The following GRIK4 variants were observed in gnomAD, a reference collection of about 807,000 sequenced individuals.
GRIK4 encodes glutamate ionotropic receptor kainate type subunit 4, also known as glutamate receptor ionotropic, kainate 4.
In GRIK4, 40 loss-of-function variants were observed where a neutral mutation model predicts 104.9. The observed-to-expected ratio is 0.38, with a 90% CI of 0.30 to 0.50. GRIK4 has a LOEUF of 0.50. GRIK4 is among the 20% of genes least tolerant of loss of function. GRIK4 has a pLI of 0.93. For synonymous variants in GRIK4, 485 were observed against 524.9 expected (o/e 0.92, Z 1.04); for missense variants, 1,047 against 1,308.1 (o/e 0.80, Z 3.08).
chr11:120,838,612 A>G (rs1953639009), intron 8 of GRIK4, among the ~76,000 whole-genome samples: 1 of 152,362 alleles, frequency 6.6e-6, no homozygotes, highest in South Asian at 2.1e-4. Context: ...CATTGCAAAA[A>G]TCTGCCAGTA....
chr11:120,537,620 C>G (rs1211031460), intron 1 of GRIK4, among the ~76,000 whole-genome samples: 3 of 152,138 alleles, frequency 2.0e-5, no homozygotes, highest in Non-Finnish European at 4.4e-5. Context: ...ATCATTCCTT[C>G]TTAGGCCTGC....
At chr11:120,700,333 T>A (rs1323425900) in intron 3 of GRIK4, among the ~76,000 whole-genome samples, 2 of 151,102 alleles carry the variant, frequency 1.3e-5, no homozygotes, top group Non-Finnish European at 2.9e-5. Flanking sequence ...AGTGGCATGA[T>A]CTTGGCTCAT....
chr11:120,864,113 T>C (rs1265569765), intron 9 of GRIK4, among the ~76,000 whole-genome samples: 1 of 152,218 alleles, frequency 6.6e-6, no homozygotes, highest in African/African-American at 2.4e-5. Flanking sequence ...CAGTGTCATG[T>C]GCAGGATCAG....
At chr11:120,883,708 G>A (rs1242013060) in intron 11 of GRIK4, among the ~76,000 whole-genome samples, 1 of 152,232 alleles carries the variant, frequency 6.6e-6, no homozygotes, top group Non-Finnish European at 1.5e-5. Context: ...AAACAAATTA[G>A]AGCTACTTAA....
At chr11:120,815,729 C>T (rs1057050121) in intron 5 of GRIK4, among the ~76,000 whole-genome samples, 3 of 152,150 alleles carry the variant, frequency 2.0e-5, no homozygotes, top group South Asian at 2.1e-4. Context: ...GGTCCCATGG[C>T]GGTGCCCCCA....
At chr11:120,735,229 C>A (rs754094390) in intron 3 of GRIK4, among the ~76,000 whole-genome samples, 1 of 152,104 alleles carries the variant, frequency 6.6e-6, no homozygotes, top group African/African-American at 2.4e-5. Context: ...GGAAGACTTT[C>A]CGGGTATTCA....
In GRIK4 at chr11:120,765,765, G is replaced by A. The variant is rs192123130; in HGVS notation, c.83-36928G>A. The stretch of plus-strand genomic sequence containing the variant: ...GTCCATTCAAGACCCTGTTTGCCTG[G>A]GTATCACCAGCAGAGGCTGCAGAAC... On this transcript the variant is annotated intron_variant, in intron 3 of 20. Transcript: ENST00000527524. 5.3e-5 allele frequency among the ~76,000 whole-genome samples: 8 copies of A among 152,272 alleles called. No homozygotes were observed. In the East Asian group the frequency reaches 1.5e-3, roughly 29 times the overall value.
chr11:120,896,927 C>T (rs1942598300), intron 11 of GRIK4, among the ~76,000 whole-genome samples: 1 of 152,216 alleles, frequency 6.6e-6, no homozygotes, highest in African/African-American at 2.4e-5. Flanking sequence ...TAAAAACACT[C>T]AGCAACAGCA....
chr11:120,758,046 G>A (rs1391211424), intron 3 of GRIK4, among the ~76,000 whole-genome samples: 3 of 152,116 alleles, frequency 2.0e-5, no homozygotes, highest in East Asian at 3.9e-4. Flanking sequence ...GGATCACTTG[G>A]CCCCCAGGTG....
intron 11 of GRIK4, among the ~76,000 whole-genome samples, chr11:120,885,671 C>T (rs1353741289): frequency 6.6e-6 from 1 of 152,182 alleles, no homozygotes; most frequent in Non-Finnish European, 1.5e-5. Flanking sequence ...AGGCATGAGC[C>T]ACCACGCCTG....
chr11:120,652,281 C>T (rs1949630638), intron 1 of GRIK4, among the ~76,000 whole-genome samples: 1 of 152,202 alleles, frequency 6.6e-6, no homozygotes, highest in African/African-American at 2.4e-5. Context: ...GTCTAATTCC[C>T]TCATTTTACA....
intron 1 of GRIK4, among the ~76,000 whole-genome samples, chr11:120,626,946 G>A (rs754907829): frequency 6.6e-5 from 10 of 152,216 alleles, no homozygotes; most frequent in Non-Finnish European, 1.5e-4. Flanking sequence ...AACACTGATG[G>A]TCAGCACACC....
At chr11:120,810,676 G>A (rs374570804) in intron 4 of GRIK4, among the ~76,000 whole-genome samples, 1 of 152,066 alleles carries the variant, frequency 6.6e-6, no homozygotes, top group African/African-American at 2.4e-5. Flanking sequence ...AAATGGATAG[G>A]GTGACTATGG....
At chr11:120,525,947 T>C (rs1173035131) in intron 1 of GRIK4, among the ~76,000 whole-genome samples, 1 of 152,080 alleles carries the variant, frequency 6.6e-6, no homozygotes, top group Admixed American at 6.5e-5. Context: ...TCTCACAGGG[T>C]TGGGGAAGAG....
intron 1 of GRIK4, among the ~76,000 whole-genome samples, chr11:120,651,597 T>C (rs1043228610): frequency 1.3e-5 from 2 of 152,210 alleles, no homozygotes; most frequent in Non-Finnish European, 2.9e-5. Context: ...TCCCCTCAAG[T>C]TGGACCCGGG....
chr11:120,809,960 G>A (rs1952795895), intron 4 of GRIK4, among the ~76,000 whole-genome samples: 1 of 152,202 alleles, frequency 6.6e-6, no homozygotes, highest in South Asian at 2.1e-4. Flanking sequence ...AGCTACTCAG[G>A]AGGCTGAGGC....
At chr11:120,880,668 C>T (rs1400174793) in intron 11 of GRIK4, among the ~76,000 whole-genome samples, 2 of 152,234 alleles carry the variant, frequency 1.3e-5, no homozygotes, top group Non-Finnish European at 1.5e-5. Context: ...CGCCCAGCCT[C>T]TCCTTGAGCA....
chr11:120,762,074 T>C lies in GRIK4; in HGVS notation c.83-40619T>C, dbSNP rs181497920. On this transcript the variant is annotated intron_variant, in intron 3 of 20. Coordinates refer to ENST00000527524, the MANE Select transcript of GRIK4 (RefSeq NM_014619.5). ...ATTTTCATGATATTCTTCCTATCCA[T>C]GAGCATGGAATGTTTTTCCGTTTGT... 1.9e-3 allele frequency among the ~76,000 whole-genome samples: 296 copies of C among 152,340 alleles called. 1 individual carries two copies. Among genetic ancestry groups the C allele is most frequent in the Non-Finnish European group, 2.8e-3 (189 of 68,028 alleles).
intron 1 of GRIK4, among the ~76,000 whole-genome samples, chr11:120,585,341 CTCTTT>C (rs1167297069): frequency 1.4e-5 from 2 of 138,978 alleles, no homozygotes; most frequent in Non-Finnish European, 3.3e-5. Context: ...CCCTCTCTCT[CTCTTT>C]TTTTTTTTTC....
Sources: gnomAD v4.1 joint callset for allele counts (sites outside exome capture counted in the v4.1 genomes callset) on GRCh38, gnomAD v4.1.1 for gene constraint, MANE v1.5 for transcripts, NCBI Gene and HGNC (gene_info 2026-07-23, HGNC 2026-07-21) for gene names.